SMCO4: variants seen among roughly 807,000 people sequenced by gnomAD.
The protein encoded by SMCO4 is single-pass membrane and coiled-coil domain-containing protein 4.
In SMCO4, 4 loss-of-function variants were observed where a neutral mutation model predicts 3.6. That is an observed-to-expected ratio of 1.11 (90% confidence interval 0.54 to 2.53). The LOEUF (loss-of-function observed/expected upper bound fraction) is 2.53, where lower values mean the gene tolerates loss of function less well. SMCO4 is among the 30% of genes most tolerant of loss of function. SMCO4 has a pLI of 0.02. For missense variants in SMCO4, 70 were observed against 80.8 expected, an observed-to-expected ratio of 0.87 and a Z score of 0.51; for synonymous variants, 36 against 35.3, an observed-to-expected ratio of 1.02 and a Z score of -0.07.
chr11:93,480,349 C>A (rs1323304816), intron 2 of SMCO4, among the ~76,000 whole-genome samples: 5 of 152,168 alleles, frequency 3.3e-5, no homozygotes, highest in African/African-American at 1.2e-4. Flanking sequence ...TGCCGAGCCA[C>A]CATGACCACC....
intron 2 of SMCO4, among the ~76,000 whole-genome samples, chr11:93,498,493 CG>C (rs1241648599): frequency 6.6e-6 from 1 of 152,162 alleles, no homozygotes; most frequent in Non-Finnish European, 1.5e-5. Flanking sequence ...CCGCCACAAG[CG>C]GAGAAGGGGG....
intron 1 of SMCO4, among the ~76,000 whole-genome samples, chr11:93,501,586 C>T (rs1948838535): frequency 6.6e-6 from 1 of 152,196 alleles, no homozygotes; most frequent in Non-Finnish European, 1.5e-5. Flanking sequence ...CTCTCTGCTT[C>T]TCTCTTATAA....
chr11:93,497,440 A>G (rs1282153840), intron 2 of SMCO4, among the ~76,000 whole-genome samples: 2 of 152,222 alleles, frequency 1.3e-5, no homozygotes, highest in Non-Finnish European at 2.9e-5. Flanking sequence ...AGCCTTAACA[A>G]AAACAAAACT....
At position 93,482,063 on chromosome 11, in the gene SMCO4, A is replaced by G. The variant is rs79452765; in HGVS notation, c.-80-2794T>C. On this transcript the variant is annotated intron_variant, in intron 2 of 2. Coordinates refer to ENST00000298966, the MANE Select transcript of SMCO4 (RefSeq NM_020179.3). ...TCCTGGAGGCATGGAAAAAAGCCTC[A>G]AGCTGCTGGGGCCAGGGCCGGTCTG... Among the ~76,000 whole-genome samples the G allele has an allele frequency of 3.6e-3, 544 of 152,386 alleles. 2 individuals carry two copies. Among genetic ancestry groups the G allele is most frequent in the African/African-American group, 0.012 (519 of 41,598 alleles).
chr11:93,545,066 G>T (rs1008654007), upstream of SMCO4, among the ~76,000 whole-genome samples: 2 of 152,154 alleles, frequency 1.3e-5, no homozygotes, highest in Admixed American at 1.3e-4. Flanking sequence ...AAGCCTCAAG[G>T]TTTAAATTGG....
intron 2 of SMCO4, among the ~76,000 whole-genome samples, chr11:93,487,123 C>T (rs1468638593): frequency 1.3e-5 from 2 of 152,192 alleles, no homozygotes; most frequent in Non-Finnish European, 2.9e-5. Context: ...AAATTCTGCA[C>T]TTGAGAGCAG....
intron 1 of SMCO4, chr11:93,535,830 C>A (rs1056946853): frequency 6.6e-5 from 105 of 1,597,246 alleles, no homozygotes; most frequent in Non-Finnish European, 8.6e-5. Context: ...AAAGGACATA[C>A]ATTTCCTGCT....
chr11:93,509,223 C>T (rs547778985), intron 1 of SMCO4, among the ~76,000 whole-genome samples: 3 of 151,368 alleles, frequency 2.0e-5, no homozygotes, highest in East Asian at 3.9e-4. Context: ...CCCAGAAGCT[C>T]AAGGCTGCAG....
intron 1 of SMCO4, among the ~76,000 whole-genome samples, chr11:93,517,691 C>A (rs1011666802): frequency 6.6e-6 from 1 of 152,186 alleles, no homozygotes; most frequent in Non-Finnish European, 1.5e-5. Context: ...CTGATTCTCA[C>A]AGCAACCCTA....
At chr11:93,493,046 T>G (rs1948736494) in intron 2 of SMCO4, among the ~76,000 whole-genome samples, 1 of 152,222 alleles carries the variant, frequency 6.6e-6, no homozygotes, top group South Asian at 2.1e-4. Flanking sequence ...TGAAGTTGCA[T>G]TTGTCATTAA....
At chr11:93,495,000 C>T (rs1948758275) in intron 2 of SMCO4, among the ~76,000 whole-genome samples, 1 of 152,136 alleles carries the variant, frequency 6.6e-6, no homozygotes, top group African/African-American at 2.4e-5. Flanking sequence ...CCTCAGTGTT[C>T]TCTGGCATGC....
chr11:93,492,542 C>T (rs1430529766), intron 2 of SMCO4, among the ~76,000 whole-genome samples: 1 of 151,858 alleles, frequency 6.6e-6, no homozygotes, highest in African/African-American at 2.4e-5. Context: ...GTAAGGTGAC[C>T]AGGTGGGAGA....
At chr11:93,543,685 C>T (rs533249100), upstream of SMCO4, among the ~76,000 whole-genome samples, 1 of 152,354 alleles carries the variant, frequency 6.6e-6, no homozygotes, top group Non-Finnish European at 1.5e-5. Flanking sequence ...CTTCTTTGAA[C>T]GCCTCGCCCG....
chr11:93,544,685 G>T (rs1460672836), upstream of SMCO4, among the ~76,000 whole-genome samples: 1 of 152,040 alleles, frequency 6.6e-6, no homozygotes, highest in African/African-American at 2.4e-5. Flanking sequence ...CGTACAAAAG[G>T]CAGCAATGCA....
chr11:93,479,192 T>G lies in SMCO4; in HGVS notation c.-3A>C. On this transcript the variant is annotated 5_prime_UTR_variant, in exon 3 of 3. Transcript: ENST00000298966. ...GGCTTCCCTTTGAGCTGCCGCATCT[T>G]TCCTAGAGGATGCTAGGAGGGTGTG... 1 of 1,613,472 alleles carries G rather than the reference T, an allele frequency of 6.2e-7. No homozygotes were observed. The highest frequency in any genetic ancestry group is 8.5e-7 in the Non-Finnish European group (1 of 1,179,652).
chr11:93,513,886 G>A (rs1948981060), intron 1 of SMCO4, among the ~76,000 whole-genome samples: 1 of 152,144 alleles, frequency 6.6e-6, no homozygotes, highest in Admixed American at 6.5e-5. Context: ...CTGGGATGTG[G>A]GGCTCCCGCC....
At chr11:93,506,172 G>A (rs895078154) in intron 1 of SMCO4, among the ~76,000 whole-genome samples, 6 of 152,168 alleles carry the variant, frequency 3.9e-5, no homozygotes, top group Non-Finnish European at 8.8e-5. Context: ...GGGTAGAGGG[G>A]GCATGGAGCC....
intron 1 of SMCO4, among the ~76,000 whole-genome samples, chr11:93,505,714 C>G (rs1373827994): frequency 6.6e-6 from 1 of 152,122 alleles, no homozygotes; most frequent in South Asian, 2.1e-4. Flanking sequence ...TGTATTTGAG[C>G]ATTCCCAAAT....
rs535731057 is a variant in SMCO4 at position 93,515,619 on chromosome 11, C to T, written c.-153-16271G>A. Among the ~76,000 whole-genome samples, 186 of 152,308 alleles carry T rather than the reference C, an allele frequency of 1.2e-3. 3 individuals are homozygous for T. The highest frequency in any genetic ancestry group is 0.012 in the Admixed American group (183 of 15,304). Reference sequence around the variant, plus strand: ...CCAGGCGAATACACTCCCTTCTCTGCTTCTCTCTGCCTACAAGTTCCTCCT... The same window carrying T: ...CCAGGCGAATACACTCCCTTCTCTGTTTCTCTCTGCCTACAAGTTCCTCCT... On this transcript the variant is annotated intron_variant, in intron 1 of 2. Coordinates refer to ENST00000298966, the MANE Select transcript of SMCO4 (RefSeq NM_020179.3).
Sources: gnomAD v4.1 joint callset for allele counts (sites outside exome capture counted in the v4.1 genomes callset) on GRCh38, gnomAD v4.1.1 for gene constraint, MANE v1.5 for transcripts, NCBI Gene and HGNC (gene_info 2026-07-23, HGNC 2026-07-21) for gene names.